Variants in CCDC91 observed in about 807,000 individuals in gnomAD.
The protein encoded by CCDC91 is coiled-coil domain containing 91.
CCDC91 carries 48 observed loss-of-function variants against 63.2 expected under a neutral mutation model. The observed-to-expected ratio is 0.76, with a 90% confidence interval of 0.60 to 0.97. The LOEUF (loss-of-function observed/expected upper bound fraction) is 0.97. CCDC91 is among the 50% of genes least tolerant of loss of function. The pLI is 0.00. For synonymous variants in CCDC91, 167 were observed against 165.8 expected, an observed-to-expected ratio of 1.01 and a Z score of -0.06; for missense variants, 500 against 494.6, an observed-to-expected ratio of 1.01 and a Z score of -0.10.
At chr12:28,333,289 G>T (rs765201231) in intron 6 of CCDC91, among the ~76,000 whole-genome samples, 6 of 151,736 alleles carry the variant, frequency 4.0e-5, no homozygotes, top group Non-Finnish European at 8.8e-5. Context: ...CAGCTGCTCG[G>T]GAGGCTGAGG....
At chr12:28,404,563 T>C (rs1946819511) in intron 8 of CCDC91, among the ~76,000 whole-genome samples, 1 of 152,130 alleles carries the variant, frequency 6.6e-6, no homozygotes, top group Non-Finnish European at 1.5e-5. Context: ...TTTTGCCTGC[T>C]AGATCTATTT....
At chr12:28,415,001 T>TA (rs778191415) in intron 8 of CCDC91, among the ~76,000 whole-genome samples, 2 of 152,214 alleles carry the variant, frequency 1.3e-5, no homozygotes, top group Admixed American at 6.5e-5. Context: ...CACTTTTTCT[T>TA]ACTGGTCAAA....
chr12:28,318,572 G>A (rs1009186797), intron 6 of CCDC91, among the ~76,000 whole-genome samples: 5 of 151,676 alleles, frequency 3.3e-5, no homozygotes, highest in African/African-American at 9.7e-5. Context: ...TATTTGTTAC[G>A]GAATAACAAT....
At chr12:28,521,164 G>A (rs1940606969) in intron 12 of CCDC91, among the ~76,000 whole-genome samples, 2 of 152,164 alleles carry the variant, frequency 1.3e-5, no homozygotes, top group South Asian at 2.1e-4. Flanking sequence ...ACCTTGGGCA[G>A]TATGGCCATT....
At chr12:28,466,536 T>C (rs1950559155) in intron 11 of CCDC91, among the ~76,000 whole-genome samples, 1 of 152,180 alleles carries the variant, frequency 6.6e-6, no homozygotes, top group South Asian at 2.1e-4. Context: ...GTGGAAACTT[T>C]ACAGGCCAGG....
chr12:28,313,755 G>A (rs552850999), intron 6 of CCDC91, among the ~76,000 whole-genome samples: 1 of 152,124 alleles, frequency 6.6e-6, no homozygotes, highest in South Asian at 2.1e-4. Context: ...TGTCCAGGGT[G>A]TGTAGCCTAA....
At chr12:28,331,321 G>A (rs1285532908) in intron 6 of CCDC91, among the ~76,000 whole-genome samples, 12 of 152,142 alleles carry the variant, frequency 7.9e-5, no homozygotes. Context: ...TGTAGACTGG[G>A]TATTTGCAGC....
At chr12:28,467,871 A>G (rs1430769719) in intron 11 of CCDC91, among the ~76,000 whole-genome samples, 1 of 152,060 alleles carries the variant, frequency 6.6e-6, no homozygotes, top group Non-Finnish European at 1.5e-5. Context: ...CAGTGTGTCA[A>G]TGAAGAAATT....
rs527806378 is a variant in CCDC91 at position 28,270,307 on chromosome 12, C to T, written c.109+10865C>T. On this transcript the variant is annotated intron_variant, in intron 3 of 12. Transcript: ENST00000536442. ...CTGTGAATCAATAGGGAAGGTATTACTTAAACTTAATCCTATAGAAAGTTT... is the reference window on the plus strand; with the variant it reads ...CTGTGAATCAATAGGGAAGGTATTATTTAAACTTAATCCTATAGAAAGTTT... 4.7e-4 allele frequency among the ~76,000 whole-genome samples: 71 copies of T among 152,182 alleles called. 1 individual carries two copies. In the South Asian group the frequency reaches 0.014, roughly 30 times the overall value.
intron 3 of CCDC91, among the ~76,000 whole-genome samples, chr12:28,298,879 G>A (rs1937730657): frequency 6.6e-6 from 1 of 151,252 alleles, no homozygotes; most frequent in African/African-American, 2.4e-5. Flanking sequence ...CCCAAATTTT[G>A]TCTCTAAGAT....
chr12:28,402,886 C>A lies in CCDC91; in HGVS notation c.762+11475C>A, dbSNP rs549726353. The stretch of plus-strand genomic sequence containing the variant: ...GTTGGATTTTTGTAAAGTGCTTTGA[C>A]CATTTTATTGATATGATTATGCTAT... On this transcript the variant is annotated intron_variant, in intron 8 of 12. Transcript: ENST00000536442. 1.1e-4 allele frequency among the ~76,000 whole-genome samples: 17 copies of A among 152,148 alleles called. No individual in the cohort carries two copies. The South Asian group carries it at 3.5e-3, about 32-fold the overall frequency.
intron 1 of CCDC91, among the ~76,000 whole-genome samples, chr12:28,226,389 C>T (rs1445111114): frequency 6.6e-6 from 1 of 152,136 alleles, no homozygotes; most frequent in African/African-American, 2.4e-5. Context: ...TGTTCCTTAT[C>T]CTCTTTGACC....
At chr12:28,482,398 T>C (rs1355475) in intron 11 of CCDC91, among the ~76,000 whole-genome samples, 31,677 of 151,784 alleles carry the variant, frequency 0.21, 4,333 homozygotes, top group Non-Finnish European at 0.31. Flanking sequence ...TACTCAGTGA[T>C]TGAAAATAAA....
chr12:28,360,719 A>C (rs1038210770), intron 6 of CCDC91, among the ~76,000 whole-genome samples: 2 of 152,226 alleles, frequency 1.3e-5, no homozygotes, highest in African/African-American at 4.8e-5. Context: ...ACAACTCTGC[A>C]GATTTTAGTA....
chr12:28,289,972 G>A (rs750351271), intron 3 of CCDC91, among the ~76,000 whole-genome samples: 1 of 152,094 alleles, frequency 6.6e-6, no homozygotes, highest in Non-Finnish European at 1.5e-5. Flanking sequence ...GAATACAGGC[G>A]TGAGCCACCA....
At chr12:28,406,885 C>A (rs1489809364) in intron 8 of CCDC91, among the ~76,000 whole-genome samples, 2 of 150,540 alleles carry the variant, frequency 1.3e-5, no homozygotes, top group East Asian at 1.9e-4. Flanking sequence ...CAGTGGATTT[C>A]TTTTGTACAT....
intron 6 of CCDC91, among the ~76,000 whole-genome samples, chr12:28,330,519 T>G (rs1299858161): frequency 6.6e-6 from 1 of 152,118 alleles, no homozygotes; most frequent in Non-Finnish European, 1.5e-5. Context: ...ATTAGCTGTT[T>G]GTCAGATGGG....
At chr12:28,468,878 A>G (rs2140596372) in intron 11 of CCDC91, among the ~76,000 whole-genome samples, 2 of 152,238 alleles carry the variant, frequency 1.3e-5, no homozygotes, top group South Asian at 4.1e-4. Flanking sequence ...CATTTGATGA[A>G]ATTCACCATT....
chr12:28,429,749 A>G (rs1948527368), intron 8 of CCDC91, among the ~76,000 whole-genome samples: 1 of 152,146 alleles, frequency 6.6e-6, no homozygotes, highest in African/African-American at 2.4e-5. Context: ...AATATTACTC[A>G]TGTAAAGTAA....
Sources: gnomAD v4.1 joint callset for allele counts (sites outside exome capture counted in the v4.1 genomes callset) on GRCh38, gnomAD v4.1.1 for gene constraint, MANE v1.5 for transcripts, NCBI Gene and HGNC (gene_info 2026-07-23, HGNC 2026-07-21) for gene names.